SYTL5: variants seen among roughly 807,000 people sequenced by gnomAD.
The protein encoded by SYTL5 is synaptotagmin like 5.
In SYTL5, 34 loss-of-function variants were observed where a neutral mutation model predicts 55.9. The observed-to-expected ratio is 0.61, with a 90% confidence interval of 0.46 to 0.81. The LOEUF (loss-of-function observed/expected upper bound fraction) is 0.81. SYTL5 is among the 30% of genes least tolerant of loss of function. The pLI is 0.00. For missense variants in SYTL5, 637 were observed against 546.7 expected, an observed-to-expected ratio of 1.17 and a Z score of -1.65; for synonymous variants, 221 against 188.7, an observed-to-expected ratio of 1.17 and a Z score of -1.40.
chrX:37,958,856 G>A, the SYTL5 span, among the ~76,000 whole-genome samples: 21 of 112,420 alleles, frequency 1.9e-4, no homozygotes, highest in African/African-American at 6.8e-4. Context: ...GCTGGTCTTA[G>A]CACGTCAAAA....
chrX:37,911,504 T>C, the SYTL5 span, among the ~76,000 whole-genome samples: 1 of 111,576 alleles, frequency 9.0e-6, no homozygotes, highest in Non-Finnish European at 1.9e-5. Context: ...TTTTATGAGA[T>C]TGGTTGCATA....
intron 15 of SYTL5, among the ~76,000 whole-genome samples, 167 bp downstream of exon 15, chrX:38,122,382 T>G (rs1937581011): frequency 8.9e-6 from 1 of 112,146 alleles, no homozygotes; most frequent in Non-Finnish European, 1.9e-5. Context: ...ACACAAGTGT[T>G]GAGGGAACTG....
chrX:38,074,365 G>T (rs1026650031), intron 5 of SYTL5, among the ~76,000 whole-genome samples: 1 of 111,804 alleles, frequency 8.9e-6, no homozygotes, highest in African/African-American at 3.3e-5. Context: ...CAGTTTTTGT[G>T]ACTGAAGTAG....
intron 3 of SYTL5, among the ~76,000 whole-genome samples, chrX:38,066,561 G>A (rs1051840609): frequency 3.6e-5 from 4 of 111,072 alleles, no homozygotes; most frequent in African/African-American, 1.3e-4. Context: ...GACAGAGAGG[G>A]ATATAAATTT....
chrX:38,022,598 T>C (rs1445617571), intron 1 of SYTL5, among the ~76,000 whole-genome samples: 2 of 112,014 alleles, frequency 1.8e-5, no homozygotes, highest in Non-Finnish European at 3.8e-5. Flanking sequence ...TTAACTCTAC[T>C]ACCTCCCTCT....
chrX:37,919,378 A>G, the SYTL5 span, among the ~76,000 whole-genome samples: 5 of 112,052 alleles, frequency 4.5e-5, no homozygotes, highest in Non-Finnish European at 9.4e-5. Flanking sequence ...AAAGCTGAGT[A>G]AAAGGTTATA....
chrX:38,119,113 C>A (rs1937541011), intron 13 of SYTL5, among the ~76,000 whole-genome samples: 1 of 110,242 alleles, frequency 9.1e-6, no homozygotes, highest in Non-Finnish European at 1.9e-5. Context: ...TACACCCAGC[C>A]ACAACCAAGA....
In SYTL5 at chrX:38,033,624, G is replaced by A. The variant is rs1432267081; in HGVS notation, c.-266G>A. On this transcript the variant is annotated 5_prime_UTR_variant, in exon 2 of 17. Transcript: ENST00000297875. The stretch of plus-strand genomic sequence containing the variant: ...AGTTAAATTCAGCTGCTGCCTGACT[G>A]TATACCACAGCAAAGGCTTTGGAAA... 1 of 164,289 alleles carries A rather than the reference G, an allele frequency of 6.1e-6. No homozygotes were observed. The highest frequency in any genetic ancestry group is 1.2e-5 in the Non-Finnish European group (1 of 86,825). 13.5% of individuals were successfully genotyped at this position (164,289 alleles called of 1,213,427 possible).
intron 6 of SYTL5, among the ~76,000 whole-genome samples, chrX:38,078,693 G>A (rs17147114): frequency 0.046 from 5,103 of 111,948 alleles, 289 homozygotes; most frequent in African/African-American, 0.16. Context: ...TGCTTATACC[G>A]TAATGGACTC....
chrX:38,048,014 C>A (rs1475798278), intron 2 of SYTL5, among the ~76,000 whole-genome samples: 2 of 109,800 alleles, frequency 1.8e-5, no homozygotes, highest in Non-Finnish European at 3.8e-5. Flanking sequence ...GTGAAACCCC[C>A]TCTCTACTAA....
At chrX:38,023,163 T>C (rs1934618100) in intron 1 of SYTL5, among the ~76,000 whole-genome samples, 2 of 112,185 alleles carry the variant, frequency 1.8e-5, no homozygotes, top group Admixed American at 1.9e-4. Context: ...TGAACCACGG[T>C]GGTGTCACCT....
the SYTL5 span, among the ~76,000 whole-genome samples, chrX:37,955,427 C>T: frequency 1.8e-5 from 2 of 111,946 alleles, no homozygotes; most frequent in Admixed American, 1.9e-4. Context: ...GATGATGACT[C>T]AAACTATTTA....
At chrX:38,111,659 G>T (rs983349208) in intron 13 of SYTL5, among the ~76,000 whole-genome samples, 3 of 112,143 alleles carry the variant, frequency 2.7e-5, no homozygotes, top group African/African-American at 9.7e-5. Flanking sequence ...CCTCTCTAAT[G>T]ACTACAGTGG....
intron 1 of SYTL5, among the ~76,000 whole-genome samples, chrX:38,019,997 A>G (rs1311147215): frequency 9.0e-6 from 1 of 111,505 alleles, no homozygotes; most frequent in Non-Finnish European, 1.9e-5. Flanking sequence ...TATGCTCTAT[A>G]ACTCATTCTA....
At chrX:38,000,270 T>C in the SYTL5 span, among the ~76,000 whole-genome samples, 1 of 112,623 alleles carries the variant, frequency 8.9e-6, no homozygotes, top group Non-Finnish European at 1.9e-5. Context: ...CTGGAAATTC[T>C]GACTCTATCC....
chrX:38,058,407 C>A (rs1935848631), intron 3 of SYTL5, among the ~76,000 whole-genome samples: 1 of 111,320 alleles, frequency 9.0e-6, no homozygotes, highest in Admixed American at 9.5e-5. Flanking sequence ...CTTTCCACTG[C>A]TCTTTATTCT....
chrX:38,022,446 C>T (rs2147144910), intron 1 of SYTL5, among the ~76,000 whole-genome samples: 1 of 112,278 alleles, frequency 8.9e-6, no homozygotes, highest in African/African-American at 3.2e-5. Context: ...TGCATTTCTT[C>T]TGGAGCCTGC....
chrX:37,976,286 T>C, the SYTL5 span, among the ~76,000 whole-genome samples: 3 of 112,551 alleles, frequency 2.7e-5, no homozygotes, highest in Non-Finnish European at 3.8e-5. Flanking sequence ...GAGAAGGTTT[T>C]CTTAACTCTT....
chrX:37,905,894 C>A, the SYTL5 span, among the ~76,000 whole-genome samples: 1 of 113,083 alleles, frequency 8.8e-6, no homozygotes, highest in Non-Finnish European at 1.9e-5. Flanking sequence ...GCTGTGAGCC[C>A]CGTGGATGGG....
Sources: allele counts gnomAD v4.1 joint callset (sites outside exome capture counted in the v4.1 genomes callset), GRCh38; gene constraint gnomAD v4.1.1; transcripts MANE v1.5; gene names NCBI Gene and HGNC (gene_info 2026-07-23, HGNC 2026-07-21).